Variants in BBS9 observed in about 807,000 individuals in gnomAD.
BBS9 encodes protein PTHB1.
In BBS9, 89 loss-of-function variants were observed where a neutral mutation model predicts 117.7. The ratio of observed to expected loss-of-function variants is 0.76; its 90% CI spans 0.64 to 0.90. The LOEUF is 0.90. Among genes scored for constraint, BBS9 ranks in the 40% least tolerant of loss-of-function variants. The probability of loss-of-function intolerance (pLI) is 0.00; values close to 1 mark genes in which losing one functional copy is unlikely to be tolerated. For synonymous variants in BBS9, 379 were observed against 370.9 expected (o/e 1.02, Z -0.25); for missense variants, 982 against 1,042.2 (o/e 0.94, Z 0.80).
chr7:33,439,204 A>T (rs1048884140), intron 19 of BBS9, among the ~76,000 whole-genome samples: 2 of 152,132 alleles, frequency 1.3e-5, no homozygotes, highest in African/African-American at 4.8e-5. Context: ...ACTGCTGCTC[A>T]CATGGCCCTG....
At chr7:33,393,065 C>T (rs1827329517) in intron 19 of BBS9, among the ~76,000 whole-genome samples, 1 of 152,028 alleles carries the variant, frequency 6.6e-6, no homozygotes, top group Non-Finnish European at 1.5e-5. Context: ...ACTCAGGAGG[C>T]TGAGGTGGGA....
At chr7:33,523,108 T>A (rs1219065042) in intron 20 of BBS9, among the ~76,000 whole-genome samples, 86 of 148,050 alleles carry the variant, frequency 5.8e-4, no homozygotes, top group African/African-American at 1.8e-3. Context: ...TTGATCTATA[T>A]CTCTGTTTTG....
intron 5 of BBS9, among the ~76,000 whole-genome samples, chr7:33,241,619 C>T (rs1468701672): frequency 6.6e-6 from 1 of 151,956 alleles, no homozygotes; most frequent in Non-Finnish European, 1.5e-5. Context: ...TTCCATTCAT[C>T]TCTAGTATTT....
intron 19 of BBS9, among the ~76,000 whole-genome samples, chr7:33,413,514 A>G (rs980573456): frequency 1.3e-5 from 2 of 152,298 alleles, no homozygotes; most frequent in Middle Eastern, 3.4e-3. Context: ...GTATTCCCTC[A>G]CACTGTCTTC....
chr7:33,467,478 A>T (rs1028498338), intron 19 of BBS9, among the ~76,000 whole-genome samples: 1 of 151,698 alleles, frequency 6.6e-6, no homozygotes, highest in African/African-American at 2.4e-5. Flanking sequence ...GTTCATTTGT[A>T]TATTTTTTGC....
intron 19 of BBS9, among the ~76,000 whole-genome samples, chr7:33,442,849 T>C (rs374054542): frequency 3.3e-5 from 5 of 152,296 alleles, no homozygotes; most frequent in African/African-American, 1.2e-4. Flanking sequence ...ATTACCTGCA[T>C]TGGTCCTTGT....
At chr7:33,477,551 T>C (rs1405145483) in intron 19 of BBS9, among the ~76,000 whole-genome samples, 1 of 152,110 alleles carries the variant, frequency 6.6e-6, no homozygotes, top group Non-Finnish European at 1.5e-5. Context: ...GGACTTCAAT[T>C]TTAAGAGAAT....
At chr7:33,331,286 G>T (rs185143656) in intron 9 of BBS9, among the ~76,000 whole-genome samples, 1 of 152,082 alleles carries the variant, frequency 6.6e-6, no homozygotes, top group African/African-American at 2.4e-5. Flanking sequence ...AATAAAAGCC[G>T]TATATGACAA....
intron 9 of BBS9, among the ~76,000 whole-genome samples, chr7:33,333,943 A>G (rs1016312257): frequency 1.3e-5 from 2 of 152,118 alleles, no homozygotes; most frequent in Non-Finnish European, 2.9e-5. Flanking sequence ...TTTTTTAAAA[A>G]GTAAATTGCT....
intron 9 of BBS9, among the ~76,000 whole-genome samples, chr7:33,318,152 A>C (rs971951712): frequency 1.3e-5 from 2 of 152,216 alleles, no homozygotes; most frequent in African/African-American, 4.8e-5. Context: ...CATTGCTTGA[A>C]GATAAAATTC....
rs143598803 is a variant in BBS9 at position 33,222,063 on chromosome 7, A to G, written c.443-35173A>G. ...AAAGGAAGCCAGTGTATAATTAGCA[A>G]TAGCAGATACAATGATGTGTTTGAA... On this transcript the variant is annotated intron_variant, in intron 5 of 22. Transcript: ENST00000242067. 8.3e-4 allele frequency among the ~76,000 whole-genome samples: 126 copies of G among 152,320 alleles called. 2 individuals carry two copies. The East Asian group carries it at 0.023, about 28-fold the overall frequency.
chr7:33,572,647 A>G (rs1858008089), intron 21 of BBS9, among the ~76,000 whole-genome samples: 1 of 152,110 alleles, frequency 6.6e-6, no homozygotes, highest in South Asian at 2.1e-4. Context: ...AACTGGAGTG[A>G]GATGATGTCT....
chr7:33,542,603 A>G (rs1032511407), intron 21 of BBS9, among the ~76,000 whole-genome samples: 1 of 152,130 alleles, frequency 6.6e-6, no homozygotes, highest in Admixed American at 6.5e-5. Flanking sequence ...TTCCTGAGTT[A>G]CATCACTTAG....
chr7:33,318,416 G>A (rs1810986617), intron 9 of BBS9, among the ~76,000 whole-genome samples: 1 of 151,876 alleles, frequency 6.6e-6, no homozygotes, highest in Non-Finnish European at 1.5e-5. Flanking sequence ...TTTGTATTTT[G>A]GCTTAAATGT....
chr7:33,240,452 T>C (rs1794306060), intron 5 of BBS9, among the ~76,000 whole-genome samples: 1 of 152,176 alleles, frequency 6.6e-6, no homozygotes, highest in African/African-American at 2.4e-5. Context: ...GATGAGGTCT[T>C]GCTGTGTTTC....
At chr7:33,384,895 T>G (rs1004685162) in intron 18 of BBS9, among the ~76,000 whole-genome samples, 1 of 152,176 alleles carries the variant, frequency 6.6e-6, no homozygotes, top group African/African-American at 2.4e-5. Context: ...ATTCCTCATC[T>G]ATGATGAGGA....
chr7:33,158,343 G>A (rs1372198020), intron 4 of BBS9, among the ~76,000 whole-genome samples: 2 of 152,096 alleles, frequency 1.3e-5, no homozygotes, highest in African/African-American at 4.8e-5. Flanking sequence ...TTTTCTAATT[G>A]ATGAAACTTT....
chr7:33,384,294 T>G (rs1825626953), intron 18 of BBS9, among the ~76,000 whole-genome samples: 1 of 152,244 alleles, frequency 6.6e-6, no homozygotes, highest in African/African-American at 2.4e-5. Context: ...CCCCAGTATC[T>G]GGCACAGTGG....
At chr7:33,287,941 A>G (rs534561684) in intron 9 of BBS9, among the ~76,000 whole-genome samples, 1 of 152,250 alleles carries the variant, frequency 6.6e-6, no homozygotes, top group East Asian at 1.9e-4. Flanking sequence ...TTGGGCACAG[A>G]TGAGGGAACT....
Sources: allele counts gnomAD v4.1 joint callset (sites outside exome capture counted in the v4.1 genomes callset), GRCh38; gene constraint gnomAD v4.1.1; transcripts MANE v1.5; gene names NCBI Gene and HGNC (gene_info 2026-07-23, HGNC 2026-07-21).